THRA: variants seen among roughly 807,000 people sequenced by gnomAD.
The protein encoded by THRA is EAR-7.
Under a neutral mutation model 45.0 loss-of-function variants are expected in THRA, and 13 were observed. The ratio of observed to expected loss-of-function variants is 0.29; its 90% CI spans 0.19 to 0.46. The LOEUF is 0.46. Among genes scored for constraint, THRA ranks in the 20% least tolerant of loss-of-function variants. The pLI is 1.00. For synonymous variants in THRA, 195 were observed against 214.0 expected (o/e 0.91, Z 0.78); for missense variants, 278 against 556.1 (o/e 0.50, Z 5.03).
At chr17:40,076,737 C>A in intron 2 of THRA, 134 bp from the exon 3 acceptor site, 2 of 875,566 alleles carry the variant, frequency 2.3e-6, no homozygotes, top group Non-Finnish European at 1.8e-6. Context: ...GTCAGCTGAC[C>A]CTGGGGGGTG....
At chr17:40,067,788 C>G (rs1430650000) in intron 1 of THRA, among the ~76,000 whole-genome samples, 2 of 152,126 alleles carry the variant, frequency 1.3e-5, no homozygotes, top group South Asian at 2.1e-4. Flanking sequence ...GAGGCCAAGG[C>G]GGGAGGATCA....
At chr17:40,075,313 G>C (rs370586649) in intron 2 of THRA, among the ~76,000 whole-genome samples, 1 of 151,488 alleles carries the variant, frequency 6.6e-6, no homozygotes, top group Non-Finnish European at 1.5e-5. Context: ...GTGGGGGTGG[G>C]GGTGCTCCGG....
rs950904247 is a variant in THRA, at chr17:40,089,076, C to T, written c.983-130C>T. 1.2e-6 allele frequency: 1 copy of T among 856,488 alleles called. No homozygotes were observed. The highest frequency in any genetic ancestry group is 1.7e-5 in the African/African-American group (1 of 59,004). The allele number at this position is 856,488 out of a possible 1,614,324, so 53.1% of individuals were successfully genotyped here. A position where few individuals can be genotyped will look rare whatever the true frequency, so the allele number is the denominator to read the frequency against. The stretch of plus-strand genomic sequence containing the variant: ...CACGTCTCTCAGGGGGAGCTTCTCC[C>T]CTCCCCTCCCCCAGCCTCTCTGCCT... On this transcript the variant is annotated intron_variant, in intron 8 of 8. Coordinates refer to ENST00000450525, the MANE Select transcript of THRA (RefSeq NM_199334.5). The surrounding 1 kb of genome is among the most constrained non-coding windows in gnomAD (Gnocchi z 6.1).
rs539828115 is a variant in THRA, at chr17:40,070,961, C to T, written c.-297-3231C>T. Reference sequence around the variant, plus strand: ...TGTCCTCCTTTCTACCTCACCCCTTCTCCCCATCCCCCATCTCTGGCTCCC... The same window carrying T: ...TGTCCTCCTTTCTACCTCACCCCTTTTCCCCATCCCCCATCTCTGGCTCCC... On this transcript the variant is annotated intron_variant, in intron 1 of 8. Coordinates refer to ENST00000450525, the MANE Select transcript of THRA (RefSeq NM_199334.5). Among the ~76,000 whole-genome samples, 10 of 151,984 alleles carry T rather than the reference C, an allele frequency of 6.6e-5. No individual in the cohort carries two copies. The South Asian group carries it at 1.9e-3, about 28-fold the overall frequency.
At chr17:40,083,755 A>T (rs2145074937) in intron 4 of THRA, 80 bp from the exon 5 acceptor site, 2 of 1,498,650 alleles carry the variant, frequency 1.3e-6, no homozygotes, top group East Asian at 4.8e-5. Context: ...TCCACCCCTG[A>T]CCCCTAGTAA....
downstream of THRA, chr17:40,093,170 G>A (rs201460214): frequency 6.2e-6 from 10 of 1,614,022 alleles, no homozygotes; most frequent in Non-Finnish European, 7.6e-6. The surrounding 1 kb of genome is among the most constrained non-coding windows in gnomAD (Gnocchi z 5.9). Flanking sequence ...GCAGCAGCTT[G>A]GTGAAGCGGG....
intron 1 of THRA, among the ~76,000 whole-genome samples, chr17:40,068,463 C>G (rs934475361): frequency 1.3e-5 from 2 of 152,210 alleles, no homozygotes; most frequent in African/African-American, 4.8e-5. Context: ...GGTGGGGGCA[C>G]ATGTGGTTCC....
rs182620371 is a variant in THRA at position 40,085,314 on chromosome 17, T to C, written c.576+499T>C. Among the ~76,000 whole-genome samples, 22 of 152,102 alleles carry C rather than the reference T, an allele frequency of 1.4e-4. No homozygotes were observed. In the East Asian group the frequency reaches 4.3e-3, roughly 29 times the overall value. On this transcript the variant is annotated intron_variant, in intron 6 of 8. Coordinates refer to ENST00000450525, the MANE Select transcript of THRA (RefSeq NM_199334.5). ...GAGTTTGAGACCAGTCTGGGTAACA[T>C]ACAGAGATCCCACCTCTATGAATAA... is the stretch of plus-strand genomic sequence containing the variant.
downstream of THRA, chr17:40,093,245 C>G: frequency 6.2e-7 from 1 of 1,613,734 alleles, no homozygotes; most frequent in Non-Finnish European, 8.5e-7. The surrounding 1 kb of genome is among the most constrained non-coding windows in gnomAD (Gnocchi z 5.9). Context: ...TCTCCTGGAG[C>G]TGCTCCACCG....
Position 40,088,424 on chromosome 17 carries a change from G to T in THRA, c.906G>T (p.Leu302=). ...LGVVSDAIFE[L]GKSLSAFNLD... is the part of the protein sequence containing the mutation. Reference sequence around the variant, plus strand: ...TAGTCTCCGACGCCATCTTTGAACTGGGCAAGTCACTCTCTGCCTTTAACC... The same window carrying T: ...TAGTCTCCGACGCCATCTTTGAACTTGGCAAGTCACTCTCTGCCTTTAACC... The change falls in exon 8 of 9, where the codon CTG becomes CTT. Residue 302 remains leucine, a synonymous_variant. Coordinates refer to ENST00000450525, the MANE Select transcript of THRA (RefSeq NM_199334.5). 6.2e-7 allele frequency: 1 copy of T among 1,614,102 alleles called. No individual in the cohort carries two copies. Among genetic ancestry groups the T allele is most frequent in the Non-Finnish European group, 8.5e-7 (1 of 1,179,986 alleles).
At chr17:40,076,370 G>T (rs1598392080) in intron 2 of THRA, among the ~76,000 whole-genome samples, 1 of 152,296 alleles carries the variant, frequency 6.6e-6, no homozygotes, top group South Asian at 2.1e-4. Flanking sequence ...ATATCCTAGA[G>T]GTTGTATAGC....
chr17:40,093,533 GCAGGCCAAA>G, downstream of THRA: 6 of 1,272,000 alleles, frequency 4.7e-6, no homozygotes, highest in South Asian at 9.4e-5. The surrounding 1 kb of genome is among the most constrained non-coding windows in gnomAD (Gnocchi z 5.9). Context: ...CCCTTCCTCA[GCAGGCCAAA>G]CATGGCCAGA....
At position 40,089,166 on chromosome 17, in the gene THRA, C is replaced by T. The variant is rs774938499; in HGVS notation, c.983-40C>T. ...CTCACCCTCCCCATCTCCAGGCCTT[C>T]GGCCAGCCCCTCGCCCCTCACGCCC... On this transcript the variant is annotated intron_variant, in intron 8 of 8. Coordinates refer to ENST00000450525, the MANE Select transcript of THRA (RefSeq NM_199334.5). The surrounding 1 kb of genome is among the most constrained non-coding windows in gnomAD (Gnocchi z 6.1). 2.5e-5 allele frequency: 40 copies of T among 1,598,556 alleles called. No individual in the cohort carries two copies. The highest frequency in any genetic ancestry group is 1.7e-4 in the South Asian group (15 of 90,338).
chr17:40,088,178 A>C, intron 7 of THRA, 64 bp from the exon 8 acceptor site: 1 of 1,537,918 alleles, frequency 6.5e-7, no homozygotes, highest in Non-Finnish European at 8.8e-7. Context: ...AGGACACTCT[A>C]GGGGAGACTC....
Position 40,090,070 on chromosome 17 carries a change from A to T in THRA, c.*614A>T. 1.0e-6 allele frequency: 1 copy of T among 979,026 alleles called. No individual in the cohort carries two copies. The highest frequency in any genetic ancestry group is 1.2e-6 in the Non-Finnish European group (1 of 823,714). 60.6% of individuals were successfully genotyped at this position (979,026 alleles called of 1,614,324 possible). On this transcript the variant is annotated 3_prime_UTR_variant, in exon 9 of 9. Transcript: ENST00000450525. ...ACAAAAAAGAGAGAGCGAGCGATAG[A>T]GAGAGATGATATTAAGTTATTAACT...
chr17:40,075,273 G>A (rs889184720), intron 2 of THRA, among the ~76,000 whole-genome samples: 2 of 149,362 alleles, frequency 1.3e-5, no homozygotes, highest in African/African-American at 4.9e-5. Flanking sequence ...TGGGAGCTGG[G>A]TACAGCCTGT....
At position 40,091,681 on chromosome 17, in the gene THRA, C is replaced by T. The variant is rs1411749075; in HGVS notation, c.*2225C>T. On this transcript the variant is annotated 3_prime_UTR_variant, in exon 9 of 9. Transcript: ENST00000450525. Reference sequence around the variant, plus strand: ...AGCCTCTTATAGGCACTTGGGACTCCCCCACCCTCCCCAATCATATGAGCT... The same window carrying T: ...AGCCTCTTATAGGCACTTGGGACTCTCCCACCCTCCCCAATCATATGAGCT... The T allele has an allele frequency of 6.6e-6, 1 of 152,214 alleles. No individual in the cohort carries two copies. Among genetic ancestry groups the T allele is most frequent in the Admixed American group, 6.6e-5 (1 of 15,266 alleles). The allele number at this position is 152,214 out of a possible 1,614,324, so 9.4% of individuals were successfully genotyped here. A position where few individuals can be genotyped will look rare whatever the true frequency, so the allele number is the denominator to read the frequency against.
intron 1 of THRA, among the ~76,000 whole-genome samples, chr17:40,064,472 A>AAC (rs1986481035): frequency 6.6e-6 from 1 of 152,222 alleles, no homozygotes; most frequent in African/African-American, 2.4e-5. Flanking sequence ...GTCAGATGCA[A>AAC]ACACAGTTAC....
chr17:40,073,129 G>A (rs1248615962), intron 1 of THRA, among the ~76,000 whole-genome samples: 1 of 152,194 alleles, frequency 6.6e-6, no homozygotes, highest in East Asian at 1.9e-4. Context: ...GGGCCTAGGG[G>A]TGAGGTCTCC....
Sources: allele counts gnomAD v4.1 joint callset (sites outside exome capture counted in the v4.1 genomes callset), GRCh38; gene constraint gnomAD v4.1.1; non-coding constraint Gnocchi (gnomAD v3.1); transcripts MANE v1.5; gene names NCBI Gene and HGNC (gene_info 2026-07-23, HGNC 2026-07-21).